Variants in ATM observed in about 807,000 individuals in gnomAD.
ATM encodes the protein ATM serine/threonine kinase.
A neutral mutation model predicts 387.0 loss-of-function variants in ATM; 308 were observed. That is an observed-to-expected ratio of 0.80 (90% CI 0.73 to 0.87). ATM has a LOEUF of 0.87. Among genes scored for constraint, ATM ranks in the 40% least tolerant of loss-of-function variants. The pLI is 0.00. For synonymous variants in ATM, 1,156 were observed against 1,187.3 expected, an observed-to-expected ratio of 0.97 and a Z score of 0.54; for missense variants, 3,312 against 3,560.9, an observed-to-expected ratio of 0.93 and a Z score of 1.78.
rs1343046904 is a variant in ATM, at chr11:108,282,700, G to C, written c.3577-10G>C. The C allele has an allele frequency of 1.9e-6, 3 of 1,611,338 alleles. No homozygotes were observed. Among genetic ancestry groups the C allele is most frequent in the Non-Finnish European group, 2.5e-6 (3 of 1,178,880 alleles). ...TTTTTCTTAACACATTGACTTTTTG[G>C]TTCGTGCAGGTTTTAGAGAAAGTTT... On this transcript the variant is annotated splice_polypyrimidine_tract_variant and intron_variant, in intron 24 of 62. Coordinates refer to ENST00000675843, the MANE Select transcript of ATM (RefSeq NM_000051.4).
intron 54 of ATM, among the ~76,000 whole-genome samples, chr11:108,334,325 T>C (rs758437754): frequency 1.3e-5 from 2 of 152,216 alleles, no homozygotes; most frequent in African/African-American, 4.8e-5. Flanking sequence ...AAAAATTCTA[T>C]GTGCAGTAAA....
chr11:108,265,967 T>G (rs1034458802), intron 16 of ATM, among the ~76,000 whole-genome samples: 7 of 151,158 alleles, frequency 4.6e-5, no homozygotes, highest in Non-Finnish European at 8.9e-5. Context: ...TGGCAGTCAT[T>G]AAAAAGTCAG....
At chr11:108,356,796 C>T (rs1251910974) in intron 61 of ATM, among the ~76,000 whole-genome samples, 1 of 152,114 alleles carries the variant, frequency 6.6e-6, no homozygotes, top group Non-Finnish European at 1.5e-5. Context: ...AGTAGGAGAT[C>T]AAATGAGAGA....
Position 108,307,528 on chromosome 11 carries a change from A to G in ATM, c.5675-369A>G, listed in dbSNP as rs576059933. Among the ~76,000 whole-genome samples, 317 of 152,258 alleles carry G rather than the reference A, an allele frequency of 2.1e-3. 1 individual carries two copies. Among genetic ancestry groups the G allele is most frequent in the African/African-American group, 7.1e-3 (295 of 41,556 alleles). On this transcript the variant is annotated intron_variant, in intron 37 of 62. Transcript: ENST00000675843. ...CTTCTGTAGCATTTTAAACTTTCCT[A>G]TTATAACACTTATCATATTGTGTTG...
At position 108,348,802 on chromosome 11, in the gene ATM, T is replaced by C. The variant is rs575798986; in HGVS notation, c.8671+1437T>C. Among the ~76,000 whole-genome samples the C allele has an allele frequency of 2.0e-5, 3 of 150,898 alleles. No homozygotes were observed. The South Asian group carries it at 6.2e-4, about 31-fold the overall frequency. ...AAACAAAGAAGAAAACCCTGTCTTT[T>C]TATTATTTATTGAAGTAGGAGAATT... On this transcript the variant is annotated intron_variant, in intron 59 of 62. Coordinates refer to ENST00000675843, the MANE Select transcript of ATM (RefSeq NM_000051.4).
intron 11 of ATM, among the ~76,000 whole-genome samples, 153 bp from the exon 12 acceptor site, chr11:108,252,664 A>G (rs1043493098): frequency 2.6e-5 from 4 of 152,198 alleles, no homozygotes; most frequent in Admixed American, 1.3e-4. Context: ...GTCCTTTTAG[A>G]TATTAAGAAA....
intron 1 of ATM, chr11:108,223,491 T>C (rs1424898053): frequency 1.3e-5 from 2 of 152,232 alleles, no homozygotes; most frequent in Non-Finnish European, 2.9e-5. Flanking sequence ...TCTCTCGTAT[T>C]TAGTACTTTT....
chr11:108,240,824 T>TA (rs1353294071), intron 5 of ATM, among the ~76,000 whole-genome samples: 1 of 152,200 alleles, frequency 6.6e-6, no homozygotes, highest in African/African-American at 2.4e-5. Context: ...GTACCAAATT[T>TA]AAAAATTTAT....
At chr11:108,232,527 C>CTTTTT (rs71047685) in intron 4 of ATM, among the ~76,000 whole-genome samples, 4 of 58,212 alleles carry the variant, frequency 6.9e-5, no homozygotes, top group Admixed American at 2.8e-4. Context: ...GATTTCTCTC[C>CTTTTT]TTTTTTTTTT....
chr11:108,352,598 C>A (rs1438303250), intron 59 of ATM, among the ~76,000 whole-genome samples: 2 of 152,152 alleles, frequency 1.3e-5, no homozygotes, highest in African/African-American at 4.8e-5. Context: ...TATAAAATGG[C>A]CATGTACTAC....
At chr11:108,241,260 T>A (rs554144578) in intron 5 of ATM, among the ~76,000 whole-genome samples, 85 of 152,328 alleles carry the variant, frequency 5.6e-4, no homozygotes, top group African/African-American at 2.0e-3. Context: ...TACCTGAGAC[T>A]GTTTTACTGT....
At chr11:108,330,083 C>G (rs2086092854) in intron 49 of ATM, 131 bp from the exon 50 acceptor site, 3 of 901,420 alleles carry the variant, frequency 3.3e-6, no homozygotes, top group South Asian at 1.5e-5. Flanking sequence ...CCTTTATAAT[C>G]CTTAGAAGTT....
chr11:108,249,213 T>G (rs2080009664), intron 9 of ATM, 111 bp downstream of exon 9: 7 of 1,262,872 alleles, frequency 5.5e-6, no homozygotes, highest in Non-Finnish European at 5.7e-6. Flanking sequence ...GTCATTTGTC[T>G]ACCCCCAAAC....
chr11:108,268,469 A>G lies in ATM; in HGVS notation c.2698A>G (p.Met900Val), dbSNP rs138468963. 67 of 1,613,962 alleles carry G rather than the reference A, an allele frequency of 4.2e-5. No homozygotes were observed. Among genetic ancestry groups the G allele is most frequent in the Non-Finnish European group, 5.3e-5 (63 of 1,180,006 alleles). The change falls in exon 18 of 63, where the codon ATG (methionine) becomes GTG (valine). Residue 900 changes from methionine (M) to valine (V), a missense_variant. Around this residue, in one of 4 missense-constraint regions of ATM, gnomAD observed 1,791 missense variants for 1,804.5 expected, o/e 0.99. Coordinates refer to ENST00000675843, the MANE Select transcript of ATM (RefSeq NM_000051.4). The stretch of plus-strand genomic sequence containing the variant: ...AAAGCAAGATCTACTTTTCTTAGAC[A>G]TGCTCAAGTTCTTGTGTTTGTGTGT... ...LSKQDLLFLD[M>V]LKFLCLCVTT...
At chr11:108,229,373 C>T (rs372974993) in intron 4 of ATM, 50 bp downstream of exon 4, 117 of 1,360,120 alleles carry the variant, frequency 8.6e-5, no homozygotes, top group African/African-American at 6.8e-4. Context: ...ATTACTGTCG[C>T]GTGAGTTTTT....
intron 7 of ATM, among the ~76,000 whole-genome samples, chr11:108,245,428 CCAGT>C (rs1422376986): frequency 6.6e-6 from 1 of 152,092 alleles, no homozygotes; most frequent in Non-Finnish European, 1.5e-5. Flanking sequence ...TGGACTAAAA[CCAGT>C]CAGATTATTC....
intron 6 of ATM, among the ~76,000 whole-genome samples, 163 bp from the exon 7 acceptor site, chr11:108,244,625 A>G (rs1455023318): frequency 1.6e-5 from 1 of 61,456 alleles, no homozygotes; most frequent in Non-Finnish European, 3.1e-5. Flanking sequence ...GTGTGAAGTA[A>G]TGCTGTGATT....
In ATM at chr11:108,272,905, A is replaced by G. The variant is rs961379908; in HGVS notation, c.3284+53A>G. On this transcript the variant is annotated intron_variant, in intron 22 of 62. Coordinates refer to ENST00000675843, the MANE Select transcript of ATM (RefSeq NM_000051.4). Reference sequence around the variant, plus strand: ...TTGGAATGCTGCAGATGGCAGTAGAATGTCTTACATAGTAACAGCTCACAG... The same window carrying G: ...TTGGAATGCTGCAGATGGCAGTAGAGTGTCTTACATAGTAACAGCTCACAG... 17 of 1,608,464 alleles carry G rather than the reference A, an allele frequency of 1.1e-5. 1 individual carries two copies. The Admixed American group carries it at 1.3e-4, about 13-fold the overall frequency.
intron 26 of ATM, among the ~76,000 whole-genome samples, chr11:108,285,961 G>A (rs1446563478): frequency 6.6e-6 from 1 of 152,168 alleles, no homozygotes; most frequent in Non-Finnish European, 1.5e-5. Flanking sequence ...GTTCAACTTC[G>A]ATTGAAACTC....
Sources: allele counts gnomAD v4.1 joint callset (sites outside exome capture counted in the v4.1 genomes callset), GRCh38; gene constraint gnomAD v4.1.1; regional missense constraint gnomAD v4.1.1; transcripts MANE v1.5; gene names NCBI Gene and HGNC (gene_info 2026-07-23, HGNC 2026-07-21).